The following CSF1R variants were observed in gnomAD, a reference collection of about 807,000 sequenced individuals.
The protein encoded by CSF1R is macrophage colony-stimulating factor 1 receptor.
Under a neutral mutation model 110.0 loss-of-function variants are expected in CSF1R, and 40 were observed. The observed-to-expected ratio is 0.36, with a 90% CI of 0.28 to 0.47. The LOEUF (loss-of-function observed/expected upper bound fraction) is 0.47, where lower values mean the gene tolerates loss of function less well. CSF1R is among the 20% of genes least tolerant of loss of function. CSF1R has a pLI of 0.99. For missense variants in CSF1R, 1,052 were observed against 1,253.0 expected (o/e 0.84, Z 2.42); for synonymous variants, 523 against 503.4 (o/e 1.04, Z -0.52).
In CSF1R at chr5:150,068,268, T is replaced by C; in HGVS notation, c.1573A>G (p.Ile525Val). Reference sequence around the variant, plus strand: ...AGCAGCAGCAGCAGCAAGGCCATGATGGACATGCAGGCGACCACCACTGGT... The same window carrying C: ...AGCAGCAGCAGCAGCAAGGCCATGACGGACATGCAGGCGACCACCACTGGT... ...FTPVVVACMS[I>V]MALLLLLLLL... is the part of the protein sequence containing the mutation. Residue 525 changes from isoleucine to valine, a missense_variant, in exon 10 of 21, where the codon ATC becomes GTC. Ile to Val is a conservative substitution (Grantham distance 29). Around this residue, in one of 5 missense-constraint regions of CSF1R, gnomAD observed 693 missense variants for 735.4 expected, o/e 0.94. Coordinates refer to ENST00000675795, the MANE Select transcript of CSF1R (RefSeq NM_001288705.3). 1.9e-6 allele frequency: 3 copies of C among 1,612,838 alleles called. No homozygotes were observed. The highest frequency in any genetic ancestry group is 2.5e-6 in the Non-Finnish European group (3 of 1,179,930).
At chr5:150,093,409 T>C (rs1759107497) in intron 1 of CSF1R, among the ~76,000 whole-genome samples, 2 of 152,184 alleles carry the variant, frequency 1.3e-5, no homozygotes, top group Admixed American at 6.5e-5. Context: ...CATTTTATCA[T>C]TTAAAGGTAG....
At chr5:150,088,912 G>A (rs774452579), upstream of CSF1R, among the ~76,000 whole-genome samples, 2 of 152,140 alleles carry the variant, frequency 1.3e-5, no homozygotes, top group Non-Finnish European at 2.9e-5. Context: ...AAATACAACA[G>A]TGGTTTAACA....
At chr5:150,100,996 C>T (rs1243981872) in intron 1 of CSF1R, among the ~76,000 whole-genome samples, 4 of 151,758 alleles carry the variant, frequency 2.6e-5, no homozygotes, top group Non-Finnish European at 2.9e-5. Context: ...CAAAGGAGAT[C>T]GCATGAATGG....
intron 10 of CSF1R, among the ~76,000 whole-genome samples, chr5:150,066,122 G>T (rs2113800544): frequency 6.6e-6 from 1 of 152,276 alleles, no homozygotes; most frequent in Non-Finnish European, 1.5e-5. Context: ...AGGAGATGAT[G>T]CCCGACCTCA....
At chr5:150,073,887 T>C (rs1549919) in intron 5 of CSF1R, among the ~76,000 whole-genome samples, 116,633 of 152,160 alleles carry the variant, frequency 0.77, 44,797 homozygotes, top group East Asian at 0.79. Flanking sequence ...GGTCATAAAT[T>C]AGTCAATGCG....
upstream of CSF1R, among the ~76,000 whole-genome samples, chr5:150,091,545 A>G (rs930762567): frequency 6.6e-5 from 10 of 152,218 alleles, 2 homozygotes; most frequent in Admixed American, 6.5e-4. Flanking sequence ...TATATGAAAC[A>G]TCCAGAACAG....
chr5:150,091,474 A>T (rs936366402), upstream of CSF1R, among the ~76,000 whole-genome samples: 5 of 152,342 alleles, frequency 3.3e-5, no homozygotes, highest in African/African-American at 9.6e-5. Context: ...ACTGTGGATG[A>T]ACCTTGAAAA....
At chr5:150,062,678 A>G (rs1218199466) in intron 10 of CSF1R, among the ~76,000 whole-genome samples, 1 of 152,234 alleles carries the variant, frequency 6.6e-6, no homozygotes, top group East Asian at 1.9e-4. Flanking sequence ...GCTGATTCAG[A>G]GTTGAACAGG....
intron 1 of CSF1R, among the ~76,000 whole-genome samples, chr5:150,100,815 T>A (rs955034467): frequency 6.6e-6 from 1 of 151,772 alleles, no homozygotes; most frequent in Non-Finnish European, 1.5e-5. Flanking sequence ...GAAAAAAAAA[T>A]GAAATATCCA....
At chr5:150,107,812 A>G (rs566320723) in intron 1 of CSF1R, among the ~76,000 whole-genome samples, 8 of 152,236 alleles carry the variant, frequency 5.3e-5, no homozygotes, top group South Asian at 2.1e-4. Flanking sequence ...GGAAGGGGCT[A>G]TTGACTCAGA....
At chr5:150,086,685 G>C, upstream of CSF1R, 2 of 452,188 alleles carry the variant, frequency 4.4e-6, no homozygotes, top group Non-Finnish European at 8.1e-6. Flanking sequence ...AGAGGGAGGG[G>C]TCGCAGTCTG....
intron 18 of CSF1R, 113 bp downstream of exon 18, chr5:150,055,913 C>T: frequency 1.1e-6 from 1 of 946,140 alleles, no homozygotes; most frequent in Non-Finnish European, 1.6e-6. Flanking sequence ...TTGCCCATTC[C>T]TGCACTCTCA....
At chr5:150,091,948 T>C (rs1020415227) in intron 1 of CSF1R, among the ~76,000 whole-genome samples, 2 of 123,158 alleles carry the variant, frequency 1.6e-5, no homozygotes, top group African/African-American at 6.1e-5. Flanking sequence ...CATTAAAAAA[T>C]AAAAAGTGCT....
intron 1 of CSF1R, among the ~76,000 whole-genome samples, chr5:150,111,751 C>T (rs1230107387): frequency 6.6e-6 from 1 of 152,170 alleles, no homozygotes; most frequent in Non-Finnish European, 1.5e-5. Context: ...TCAAAACCTC[C>T]CTGAATGCAC....
intron 1 of CSF1R, among the ~76,000 whole-genome samples, chr5:150,098,889 A>ATTTTTTTTTTTTT: frequency 7.5e-6 from 1 of 132,998 alleles, no homozygotes; most frequent in Non-Finnish European, 1.6e-5. Context: ...AATACAAACA[A>ATTTTTTTTTTTTT]CTTTTTTTTT....
chr5:150,064,171 G>A (rs527922541), intron 10 of CSF1R, among the ~76,000 whole-genome samples: 47 of 152,292 alleles, frequency 3.1e-4, no homozygotes, highest in Non-Finnish European at 5.3e-4. Flanking sequence ...GGGTGGAAGC[G>A]GGCGAGGGTT....
At chr5:150,102,748 G>A (rs1319134328) in intron 1 of CSF1R, among the ~76,000 whole-genome samples, 2 of 152,230 alleles carry the variant, frequency 1.3e-5, no homozygotes, top group Non-Finnish European at 2.9e-5. Flanking sequence ...CCAAAGTGCT[G>A]GGATTATAGG....
At position 150,073,438 on chromosome 5, in the gene CSF1R, C is replaced by T. The variant is rs201393400; in HGVS notation, c.945G>A (p.Val315=). Residue 315 remains valine, a synonymous_variant, in exon 6 of 21, where the codon GTG becomes GTA. Coordinates refer to ENST00000675795, the MANE Select transcript of CSF1R (RefSeq NM_001288705.3). The stretch of plus-strand genomic sequence containing the variant: ...TGACTTTGAGGTTGAGCCCCTCCCC[C>T]ACGGTCACCTCCTGGATGAGGTTCT... ...SEQNLIQEVT[V]GEGLNLKVMV... is the part of the protein sequence containing the mutation. 9.3e-6 allele frequency: 15 copies of T among 1,614,028 alleles called. No homozygotes were observed. The South Asian group carries it at 1.2e-4, about 13-fold the overall frequency.
intron 1 of CSF1R, among the ~76,000 whole-genome samples, chr5:150,098,700 C>T (rs1476449762): frequency 6.6e-6 from 1 of 151,894 alleles, no homozygotes; most frequent in Admixed American, 6.6e-5. Context: ...ACAAGGAAAA[C>T]ATTGAACAAA....
Sources: allele counts gnomAD v4.1 joint callset (sites outside exome capture counted in the v4.1 genomes callset), GRCh38; gene constraint gnomAD v4.1.1; regional missense constraint gnomAD v4.1.1; transcripts MANE v1.5; gene names NCBI Gene and HGNC (gene_info 2026-07-23, HGNC 2026-07-21).